Variants in SNX7 observed in about 807,000 individuals in gnomAD.
The protein encoded by SNX7 is sorting nexin-7.
A neutral mutation model predicts 48.4 loss-of-function variants in SNX7; 35 were observed. The observed-to-expected ratio is 0.72, with a 90% CI of 0.55 to 0.96. The LOEUF (loss-of-function observed/expected upper bound fraction) is 0.96, where lower values mean the gene tolerates loss of function less well. Ranked by LOEUF, SNX7 falls within the 40% of genes least tolerant of loss-of-function variation. SNX7 has a pLI of 0.00. For synonymous variants in SNX7, 190 were observed against 190.2 expected (o/e 1.00, Z 0.01); for missense variants, 553 against 548.9 (o/e 1.01, Z -0.07).
At chr1:98,739,606 C>T (rs1271519515) in intron 8 of SNX7, among the ~76,000 whole-genome samples, 1 of 152,120 alleles carries the variant, frequency 6.6e-6, no homozygotes, top group Non-Finnish European at 1.5e-5. Flanking sequence ...TATAGAAAGA[C>T]ATTGCAGGGT....
chr1:98,670,570 C>T (rs938535157), intron 1 of SNX7, among the ~76,000 whole-genome samples: 2 of 152,184 alleles, frequency 1.3e-5, no homozygotes, highest in African/African-American at 2.4e-5. Context: ...TCATGTGTTA[C>T]AGCTGCCTAC....
intron 1 of SNX7, among the ~76,000 whole-genome samples, chr1:98,678,779 ATTAAT>A (rs1244374129): frequency 1.3e-5 from 2 of 152,352 alleles, no homozygotes; most frequent in South Asian, 2.1e-4. Flanking sequence ...TAGTCATATA[ATTAAT>A]TTGAGTCTAT....
intron 8 of SNX7, among the ~76,000 whole-genome samples, chr1:98,758,395 C>T (rs1435767635): frequency 6.6e-6 from 1 of 151,988 alleles, no homozygotes; most frequent in African/African-American, 2.4e-5. Flanking sequence ...CCCCTCCCCT[C>T]CTCTTCCTAT....
At chr1:98,747,377 G>C (rs916121623) in intron 8 of SNX7, among the ~76,000 whole-genome samples, 1 of 152,082 alleles carries the variant, frequency 6.6e-6, no homozygotes, top group African/African-American at 2.4e-5. Flanking sequence ...TGGAATCTTC[G>C]ATAGCAATTA....
At chr1:98,694,388 A>C (rs1651329507) in intron 4 of SNX7, among the ~76,000 whole-genome samples, 1 of 151,518 alleles carries the variant, frequency 6.6e-6, no homozygotes, top group Admixed American at 6.6e-5. Context: ...AAAAAAAAAA[A>C]AAGTTTTCTC....
At chr1:98,687,408 A>C (rs1650863336) in intron 2 of SNX7, among the ~76,000 whole-genome samples, 1 of 152,094 alleles carries the variant, frequency 6.6e-6, no homozygotes, top group Non-Finnish European at 1.5e-5. Flanking sequence ...TAGTATATAG[A>C]CTATATCTAT....
At chr1:98,712,951 C>G (rs763063888) in intron 7 of SNX7, among the ~76,000 whole-genome samples, 2 of 152,048 alleles carry the variant, frequency 1.3e-5, no homozygotes, top group Non-Finnish European at 2.9e-5. Flanking sequence ...ATTAGCCAGA[C>G]ATAGTGGCAC....
intron 1 of SNX7, among the ~76,000 whole-genome samples, chr1:98,664,469 A>C (rs1217446231): frequency 3.3e-5 from 5 of 152,232 alleles, no homozygotes; most frequent in African/African-American, 4.8e-5. Flanking sequence ...CAGAGGTTGC[A>C]GTGGGCTGAG....
intron 7 of SNX7, among the ~76,000 whole-genome samples, chr1:98,719,675 A>C (rs1433337886): frequency 6.6e-6 from 1 of 151,468 alleles, no homozygotes; most frequent in African/African-American, 2.4e-5. Flanking sequence ...GTTTTTATGA[A>C]GTCAGGTTTA....
At chr1:98,675,831 ATTAT>A (rs1452228418) in intron 1 of SNX7, among the ~76,000 whole-genome samples, 1 of 152,280 alleles carries the variant, frequency 6.6e-6, no homozygotes, top group East Asian at 1.9e-4. Context: ...CCCATAACTT[ATTAT>A]TTATCTATGC....
At chr1:98,675,914 G>A (rs1274151050) in intron 1 of SNX7, among the ~76,000 whole-genome samples, 2 of 151,994 alleles carry the variant, frequency 1.3e-5, no homozygotes, top group African/African-American at 4.8e-5. Flanking sequence ...TATCACTACG[G>A]TTCTTACTGT....
intron 1 of SNX7, among the ~76,000 whole-genome samples, chr1:98,674,585 A>G (rs1442292808): frequency 6.6e-6 from 1 of 152,102 alleles, no homozygotes. Context: ...ATAAGGTCAC[A>G]CTCCACGGTA....
chr1:98,661,761 G>T lies in SNX7; in HGVS notation c.30G>T (p.Ala10=). The T allele has an allele frequency of 8.1e-7, 1 of 1,239,142 alleles. No individual in the cohort carries two copies. The highest frequency in any genetic ancestry group is 4.1e-5 in the South Asian group (1 of 24,296). 76.8% of individuals were successfully genotyped at this position (1,239,142 alleles called of 1,614,324 possible). The change falls in exon 1 of 9, where the codon GCG becomes GCT. Residue 10 remains alanine (A), a synonymous_variant. Coordinates refer to ENST00000306121, the MANE Select transcript of SNX7 (RefSeq NM_015976.5). ...AGGGCGAGCGCCGGGCATCGCAGGC[G>T]CCCTCCTCGGGCCTCCCGGCCGGGG... is the stretch of plus-strand genomic sequence containing the variant. MEGERRASQ[A]PSSGLPAGGA...
rs371993225 is a variant in SNX7 at position 98,741,977 on chromosome 1, C to A, written c.1278+3588C>A. Among the ~76,000 whole-genome samples the A allele has an allele frequency of 9.9e-5, 15 of 152,210 alleles. No individual in the cohort carries two copies. The East Asian group carries it at 2.1e-3, about 22-fold the overall frequency. ...ATTTGGAAATTCTGGCAGGAAAGTG[C>A]AGCTATTTAGGAACTGCTTTAGAAT... On this transcript the variant is annotated intron_variant, in intron 8 of 8. Coordinates refer to ENST00000306121, the MANE Select transcript of SNX7 (RefSeq NM_015976.5).
chr1:98,751,978 T>G (rs1654609525), intron 8 of SNX7, among the ~76,000 whole-genome samples: 1 of 152,142 alleles, frequency 6.6e-6, no homozygotes, highest in Non-Finnish European at 1.5e-5. Context: ...TATTTTTTAT[T>G]ACTACTCTGA....
chr1:98,694,249 A>G (rs1184400743), intron 4 of SNX7, among the ~76,000 whole-genome samples: 1 of 151,890 alleles, frequency 6.6e-6, no homozygotes, highest in East Asian at 2.0e-4. Context: ...GGGCACCTGT[A>G]ATCCCAGCTA....
intron 1 of SNX7, among the ~76,000 whole-genome samples, chr1:98,676,474 G>T (rs541730514): frequency 6.6e-6 from 1 of 151,988 alleles, no homozygotes; most frequent in East Asian, 1.9e-4. Flanking sequence ...CTGAACCTTC[G>T]TAATCTTTAT....
intron 7 of SNX7, among the ~76,000 whole-genome samples, chr1:98,735,797 G>GGGTC (rs1216805517): frequency 2.0e-5 from 3 of 152,142 alleles, no homozygotes; most frequent in Admixed American, 2.0e-4. Context: ...GGCTTCAACA[G>GGGTC]ATAGTCTTAC....
intron 2 of SNX7, among the ~76,000 whole-genome samples, chr1:98,687,324 G>T (rs1286316757): frequency 6.6e-6 from 1 of 152,056 alleles, no homozygotes; most frequent in East Asian, 1.9e-4. Context: ...TTTAGGTATG[G>T]ATGTGGTAAA....
Sources: gnomAD v4.1 joint callset for allele counts (sites outside exome capture counted in the v4.1 genomes callset) on GRCh38, gnomAD v4.1.1 for gene constraint, MANE v1.5 for transcripts, NCBI Gene and HGNC (gene_info 2026-07-23, HGNC 2026-07-21) for gene names.